The following CSMD1 variants were observed in gnomAD, a reference collection of about 807,000 sequenced individuals.
CSMD1 encodes the protein CUB and Sushi multiple domains 1.
CSMD1 carries 213 observed loss-of-function variants against 417.5 expected under a neutral mutation model. The observed-to-expected ratio is 0.51, with a 90% CI of 0.46 to 0.57. The LOEUF (loss-of-function observed/expected upper bound fraction) is 0.57, where lower values mean the gene tolerates loss of function less well. Ranked by LOEUF, CSMD1 falls within the 20% of genes least tolerant of loss-of-function variation. CSMD1 has a pLI of 0.00. For missense variants in CSMD1, 6,923 were observed against 4,529.7 expected, an observed-to-expected ratio of 1.53 and a Z score of -15.17; for synonymous variants, 2,862 against 1,736.8, an observed-to-expected ratio of 1.65 and a Z score of -16.11.
intron 3 of CSMD1, among the ~76,000 whole-genome samples, chr8:4,078,891 TAATAAATATA>T (rs1449761293): frequency 9.1e-6 from 1 of 109,634 alleles, no homozygotes; most frequent in Non-Finnish European, 1.8e-5. Flanking sequence ...ATAATAATAA[TAATAAATATA>T]TATATATATA....
At chr8:3,756,438 T>C (rs1172553135) in intron 5 of CSMD1, among the ~76,000 whole-genome samples, 1 of 151,932 alleles carries the variant, frequency 6.6e-6, no homozygotes, top group East Asian at 1.9e-4. Context: ...ACAAAAAACG[T>C]TAAATTCAAA....
intron 1 of CSMD1, among the ~76,000 whole-genome samples, chr8:4,912,800 G>GC (rs1805784592): frequency 6.6e-6 from 1 of 151,260 alleles, no homozygotes; most frequent in South Asian, 2.1e-4. Flanking sequence ...TTTTTTGGAG[G>GC]GGGGGCACAG....
intron 3 of CSMD1, among the ~76,000 whole-genome samples, chr8:4,312,635 G>C (rs540739887): frequency 6.6e-6 from 1 of 151,658 alleles, no homozygotes. Flanking sequence ...CCAACACTTT[G>C]GGAGGCCGAG....
chr8:4,982,749 T>C (rs1395291471), intron 1 of CSMD1, among the ~76,000 whole-genome samples: 1 of 152,138 alleles, frequency 6.6e-6, no homozygotes, highest in Non-Finnish European at 1.5e-5. Flanking sequence ...GAGATATAGA[T>C]CATACCCCAA....
At chr8:3,951,108 T>A (rs539190166) in intron 5 of CSMD1, among the ~76,000 whole-genome samples, 28 of 152,350 alleles carry the variant, frequency 1.8e-4, no homozygotes, top group Middle Eastern at 3.4e-3. Flanking sequence ...AAAGAATATA[T>A]CTACATTTAT....
chr8:4,768,145 AC>A (rs1812595696), intron 1 of CSMD1, among the ~76,000 whole-genome samples: 1 of 152,136 alleles, frequency 6.6e-6, no homozygotes, highest in African/African-American at 2.4e-5. Context: ...GTTTTGGAAA[AC>A]AAAACTAGTG....
chr8:4,286,717 T>A (rs1407974555), intron 3 of CSMD1, among the ~76,000 whole-genome samples: 1 of 152,188 alleles, frequency 6.6e-6, no homozygotes, highest in Non-Finnish European at 1.5e-5. Flanking sequence ...TGTATGCAGC[T>A]CACACGGTAG....
intron 26 of CSMD1, among the ~76,000 whole-genome samples, chr8:3,239,770 T>G (rs1799379423): frequency 6.6e-6 from 1 of 151,834 alleles, no homozygotes; most frequent in African/African-American, 2.4e-5. Flanking sequence ...AAACCAAGCG[T>G]GATGAGGGCG....
chr8:3,558,399 C>G (rs112166137), intron 10 of CSMD1, among the ~76,000 whole-genome samples: 2,092 of 131,312 alleles, frequency 0.016, 2 homozygotes, highest in Non-Finnish European at 0.024. Flanking sequence ...GTCCACTTCT[C>G]CAATGATGAA....
chr8:4,111,156 G>A lies in CSMD1; in HGVS notation c.416-79057C>T, dbSNP rs974278347. 7.2e-5 allele frequency among the ~76,000 whole-genome samples: 11 copies of A among 152,108 alleles called. No individual in the cohort carries two copies. In the East Asian group the frequency reaches 9.7e-4, roughly 13 times the overall value. ...TTGGTTCGTACACTCTAATGATTTC[G>A]GACAGAAAAGTTTCCCTGTTCCCAA... On this transcript the variant is annotated intron_variant, in intron 3 of 69. Transcript: ENST00000635120.
intron 3 of CSMD1, among the ~76,000 whole-genome samples, chr8:4,162,776 A>G (rs919914692): frequency 6.6e-6 from 1 of 152,130 alleles, no homozygotes; most frequent in African/African-American, 2.4e-5. Flanking sequence ...CCAGTTTACA[A>G]TAGGGTTCAC....
intron 12 of CSMD1, among the ~76,000 whole-genome samples, chr8:3,435,677 G>A (rs528511239): frequency 1.4e-3 from 211 of 151,834 alleles, no homozygotes; most frequent in African/African-American, 3.9e-3. Flanking sequence ...CCCACCTTCC[G>A]TCCTACCTCC....
At chr8:4,391,281 C>A (rs144510605) in intron 3 of CSMD1, among the ~76,000 whole-genome samples, 2 of 152,298 alleles carry the variant, frequency 1.3e-5, no homozygotes, top group East Asian at 1.9e-4. Flanking sequence ...TCATCTTTGC[C>A]ATTAACTCTA....
intron 52 of CSMD1, among the ~76,000 whole-genome samples, chr8:3,016,718 C>T (rs1205517365): frequency 1.3e-5 from 2 of 152,138 alleles, no homozygotes; most frequent in African/African-American, 4.8e-5. Flanking sequence ...ATCTACAACA[C>T]AAATGTTTTA....
At chr8:4,773,444 G>A (rs1563348247) in intron 1 of CSMD1, among the ~76,000 whole-genome samples, 2 of 152,120 alleles carry the variant, frequency 1.3e-5, no homozygotes, top group Admixed American at 1.3e-4. Flanking sequence ...TTTGGGGGAG[G>A]CCTGTGCACC....
chr8:3,565,311 T>C (rs1201418552), intron 10 of CSMD1, among the ~76,000 whole-genome samples: 1 of 150,042 alleles, frequency 6.7e-6, no homozygotes, highest in Non-Finnish European at 1.5e-5. Context: ...CCCAGTGGCA[T>C]GGGAGAAAAG....
rs181603203 is a variant in CSMD1 at position 3,361,368 on chromosome 8, C to T, written c.3116-2028G>A. ...AAAACTCCAGGCACTGTGGCTCATA[C>T]CTGTAATCTCAGCACTTTGGGAGGC... On this transcript the variant is annotated intron_variant, in intron 20 of 69. Transcript: ENST00000635120. 2.8e-3 allele frequency among the ~76,000 whole-genome samples: 428 copies of T among 152,152 alleles called. 2 individuals carry two copies. Among genetic ancestry groups the T allele is most frequent in the Middle Eastern group, 0.01 (3 of 292 alleles).
chr8:4,577,535 A>AGTGTGGCCCACGGCATCCTTCCTCCGG (rs1799195981), intron 2 of CSMD1, among the ~76,000 whole-genome samples: 1 of 152,160 alleles, frequency 6.6e-6, no homozygotes, highest in African/African-American at 2.4e-5. Flanking sequence ...CACAGGCTCC[A>AGTGTGGCCCACGGCATCCTTCCTCCGG]GTGTGGCCCA....
At chr8:4,920,685 G>A (rs1314338356) in intron 1 of CSMD1, among the ~76,000 whole-genome samples, 1 of 151,760 alleles carries the variant, frequency 6.6e-6, no homozygotes, top group Non-Finnish European at 1.5e-5. Context: ...AGCCATGCGT[G>A]GGTGGTGCAT....
Sources: allele counts gnomAD v4.1 joint callset (sites outside exome capture counted in the v4.1 genomes callset), GRCh38; gene constraint gnomAD v4.1.1; transcripts MANE v1.5; gene names NCBI Gene and HGNC (gene_info 2026-07-23, HGNC 2026-07-21).